The following PIWIL1 variants were observed in gnomAD, a reference collection of about 807,000 sequenced individuals.
PIWIL1 encodes the protein piwi like RNA-mediated gene silencing 1.
Under a neutral mutation model 114.4 loss-of-function variants are expected in PIWIL1, and 73 were observed. The ratio of observed to expected loss-of-function variants is 0.64; its 90% CI spans 0.53 to 0.78. PIWIL1 has a LOEUF of 0.78. Among genes scored for constraint, PIWIL1 ranks in the 30% least tolerant of loss-of-function variants. The probability of loss-of-function intolerance (pLI) is 0.00; values close to 1 mark genes in which losing one functional copy is unlikely to be tolerated. For synonymous variants in PIWIL1, 375 were observed against 369.0 expected, an observed-to-expected ratio of 1.02 and a Z score of -0.19; for missense variants, 723 against 1,063.1, an observed-to-expected ratio of 0.68 and a Z score of 4.45.
At chr12:130,417,688 A>C in the PIWIL1 span, among the ~76,000 whole-genome samples, 2 of 152,252 alleles carry the variant, frequency 1.3e-5, no homozygotes, top group African/African-American at 4.8e-5. Context: ...CACTATACCC[A>C]TGTAACAGAC....
chr12:130,422,339 T>C, the PIWIL1 span: 3 of 614,498 alleles, frequency 4.9e-6, no homozygotes, highest in South Asian at 2.4e-5. This position sits in a 1 kb window ranked among gnomAD's most constrained non-coding sequence, Gnocchi z 5.2. Flanking sequence ...TGAATAACAG[T>C]GTTCTTTGCT....
chr12:130,344,765 A>G (rs1190620835), intron 3 of PIWIL1, among the ~76,000 whole-genome samples: 2 of 152,208 alleles, frequency 1.3e-5, no homozygotes, highest in Non-Finnish European at 2.9e-5. Flanking sequence ...GGGCAGGGCA[A>G]AGGGTCAGGA....
chr12:130,411,941 C>T, the PIWIL1 span, among the ~76,000 whole-genome samples: 1 of 151,432 alleles, frequency 6.6e-6, no homozygotes, highest in Non-Finnish European at 1.5e-5. Flanking sequence ...AAGTATTAAA[C>T]CTTAAATATG....
At chr12:130,419,390 T>C in the PIWIL1 span, 2 of 152,266 alleles carry the variant, frequency 1.3e-5, no homozygotes, top group East Asian at 1.9e-4. This position sits in a 1 kb window ranked among gnomAD's most constrained non-coding sequence, Gnocchi z 4.3. Flanking sequence ...CCAAATCCAC[T>C]GGTGCCATAA....
chr12:130,408,908 G>A, the PIWIL1 span, among the ~76,000 whole-genome samples: 1 of 152,132 alleles, frequency 6.6e-6, no homozygotes, highest in Non-Finnish European at 1.5e-5. Context: ...ACATTCCAGC[G>A]ATTACTCTCC....
At chr12:130,377,407 T>C (rs1023704051), downstream of PIWIL1, among the ~76,000 whole-genome samples, 2 of 152,168 alleles carry the variant, frequency 1.3e-5, no homozygotes, top group African/African-American at 4.8e-5. Context: ...CAACCCCTAA[T>C]GTCGGTGCGC....
the PIWIL1 span, among the ~76,000 whole-genome samples, chr12:130,385,957 A>C: frequency 1.3e-5 from 2 of 152,164 alleles, no homozygotes; most frequent in Admixed American, 1.3e-4. Context: ...TTACTTGTCT[A>C]TCTTAATAGA....
chr12:130,422,843 G>A, the PIWIL1 span, among the ~76,000 whole-genome samples: 5 of 152,106 alleles, frequency 3.3e-5, no homozygotes, highest in Admixed American at 1.3e-4. This position sits in a 1 kb window ranked among gnomAD's most constrained non-coding sequence, Gnocchi z 5.2. Flanking sequence ...GAAGACAAAT[G>A]TTTTGGGACC....
downstream of PIWIL1, among the ~76,000 whole-genome samples, chr12:130,376,475 A>AG (rs2073867499): frequency 6.6e-6 from 1 of 152,194 alleles, no homozygotes; most frequent in African/African-American, 2.4e-5. Flanking sequence ...TGAGATTTCC[A>AG]GGGGCCTCCA....
Position 130,362,238 on chromosome 12 carries a change from C to G in PIWIL1, c.1971-528C>G, listed in dbSNP as rs531179618. On this transcript the variant is annotated intron_variant, in intron 16 of 20. Transcript: ENST00000245255. ...TTCTCCCTCCTCCCACCTTCCACCC[C>G]CAAGTAGGCCCTGGTGTCTGTTGTC... Among the ~76,000 whole-genome samples, 135 of 152,266 alleles carry G rather than the reference C, an allele frequency of 8.9e-4. 1 individual carries two copies. The highest frequency in any genetic ancestry group is 3.4e-3 in the Middle Eastern group (1 of 294).
chr12:130,367,192 C>G lies in PIWIL1; in HGVS notation c.2255C>G (p.Ser752Cys), dbSNP rs760532559. 1.2e-6 allele frequency: 2 copies of G among 1,614,060 alleles called. No homozygotes were observed. Among genetic ancestry groups the G allele is most frequent in the South Asian group, 2.2e-5 (2 of 91,078 alleles). ...KRVNTRFFAQSGGRLQNPLPG... is the reference protein window; with the variant it reads ...KRVNTRFFAQCGGRLQNPLPG... Reference sequence around the variant, plus strand: ...GTGAACACCAGATTTTTTGCTCAGTCTGGAGGAAGACTTCAGAATCCACTT... The same window carrying G: ...GTGAACACCAGATTTTTTGCTCAGTGTGGAGGAAGACTTCAGAATCCACTT... Residue 752 changes from serine (S) to cysteine (C), a missense_variant, in exon 19 of 21, where the codon TCT (serine) becomes TGT (cysteine). By Grantham distance (112) the Ser-to-Cys change is moderately radical (BLOSUM62 -1). This residue lies in a region of PIWIL1 where 106 missense variants were observed against 182.8 expected (regional missense o/e 0.58). Coordinates refer to ENST00000245255, the MANE Select transcript of PIWIL1 (RefSeq NM_004764.5).
the PIWIL1 span, among the ~76,000 whole-genome samples, chr12:130,408,685 G>A: frequency 6.6e-6 from 1 of 152,248 alleles, no homozygotes; most frequent in Non-Finnish European, 1.5e-5. Flanking sequence ...TCAGACTGAA[G>A]GGGTGGGGCT....
the PIWIL1 span, among the ~76,000 whole-genome samples, chr12:130,410,031 G>A: frequency 6.6e-6 from 1 of 152,228 alleles, no homozygotes; most frequent in Admixed American, 6.5e-5. Flanking sequence ...AGGCCCACCT[G>A]GCACACTTTG....
intron 18 of PIWIL1, among the ~76,000 whole-genome samples, chr12:130,365,398 A>G (rs2073626965): frequency 6.6e-6 from 1 of 152,222 alleles, no homozygotes. Context: ...AGTATCCAGT[A>G]AGTATTCAAT....
At chr12:130,344,662 C>G (rs2073019682) in intron 3 of PIWIL1, among the ~76,000 whole-genome samples, 1 of 152,122 alleles carries the variant, frequency 6.6e-6, no homozygotes, top group Non-Finnish European at 1.5e-5. Context: ...GTTCTTTTGT[C>G]CTGGGCTCAT....
the PIWIL1 span, among the ~76,000 whole-genome samples, chr12:130,392,095 C>T: frequency 0.071 from 418 of 5,856 alleles, 1 homozygote; most frequent in Middle Eastern, 0.25. Flanking sequence ...ATCAGTTACC[C>T]AGTGAATATT....
At chr12:130,416,899 A>G in the PIWIL1 span, among the ~76,000 whole-genome samples, 5 of 152,184 alleles carry the variant, frequency 3.3e-5, no homozygotes, top group South Asian at 1.0e-3. Context: ...AGAGCAAAGG[A>G]CATGAATAGA....
chr12:130,339,265 G>C (rs1002557928), intron 1 of PIWIL1, among the ~76,000 whole-genome samples: 4 of 152,164 alleles, frequency 2.6e-5, no homozygotes, highest in Admixed American at 1.3e-4. Context: ...GGGGCGGCGG[G>C]GCGGTGGCGT....
At chr12:130,414,367 G>C in the PIWIL1 span, 3 of 1,484,146 alleles carry the variant, frequency 2.0e-6, no homozygotes, top group African/African-American at 4.2e-5. Context: ...AGCGTGCACG[G>C]GAAATGCAGC....
Sources: allele counts gnomAD v4.1 joint callset (sites outside exome capture counted in the v4.1 genomes callset), GRCh38; gene constraint gnomAD v4.1.1; regional missense constraint gnomAD v4.1.1; non-coding constraint Gnocchi (gnomAD v3.1); transcripts MANE v1.5; gene names NCBI Gene and HGNC (gene_info 2026-07-23, HGNC 2026-07-21).